C1orf87: variants seen among roughly 807,000 people sequenced by gnomAD.
C1orf87 encodes uncharacterized protein C1orf87.
In C1orf87, 58 loss-of-function variants were observed where a neutral mutation model predicts 60.5. That is an observed-to-expected ratio of 0.96 (90% CI 0.78 to 1.19). The LOEUF (loss-of-function observed/expected upper bound fraction) is 1.19, where lower values mean the gene tolerates loss of function less well. Ranked by LOEUF, C1orf87 falls within the 50% of genes most tolerant of loss-of-function variation. The probability of loss-of-function intolerance (pLI) is 0.00; values close to 1 mark genes in which losing one functional copy is unlikely to be tolerated. For synonymous variants in C1orf87, 236 were observed against 227.4 expected, an observed-to-expected ratio of 1.04 and a Z score of -0.34; for missense variants, 673 against 638.6, an observed-to-expected ratio of 1.05 and a Z score of -0.58.
intron 8 of C1orf87, among the ~76,000 whole-genome samples, chr1:60,023,700 C>T (rs111747204): frequency 9.9e-5 from 15 of 152,152 alleles, no homozygotes; most frequent in Middle Eastern, 6.8e-3. Context: ...TTCCAATATC[C>T]TTAATTTTTA....
chr1:60,038,288 C>T (rs969461684), intron 5 of C1orf87, among the ~76,000 whole-genome samples, 181 bp from the exon 6 acceptor site: 1 of 152,026 alleles, frequency 6.6e-6, no homozygotes, highest in African/African-American at 2.4e-5. Context: ...CCCTTCTGGA[C>T]AAATGGTAAA....
At chr1:60,049,743 T>A (rs1012866271) in intron 3 of C1orf87, among the ~76,000 whole-genome samples, 3 of 152,150 alleles carry the variant, frequency 2.0e-5, no homozygotes, top group African/African-American at 7.2e-5. Context: ...CACTTAAACC[T>A]TTGATGTATT....
At position 60,025,426 on chromosome 1, in the gene C1orf87, C is replaced by T; in HGVS notation, c.1102G>A (p.Asp368Asn). 6.2e-7 allele frequency: 1 copy of T among 1,613,312 alleles called. No individual in the cohort carries two copies. Residue 368 changes from aspartate (D) to asparagine (N), a missense_variant, in exon 8 of 12, where the codon GAT (aspartate) becomes AAT (asparagine). Asp to Asn is a conservative substitution (Grantham distance 23). Coordinates refer to ENST00000371201, the MANE Select transcript of C1orf87 (RefSeq NM_152377.3). Reference sequence around the variant, plus strand: ...TTTATTTCATTTTGGTAACCCAAATCTTGATGGTTAAGCAATGTTTCCAGC... The same window carrying T: ...TTTATTTCATTTTGGTAACCCAAATTTTGATGGTTAAGCAATGTTTCCAGC... Reference protein sequence around the residue: ...SLLETLLNHQDLGYQNEIKWQ... With the variant: ...SLLETLLNHQNLGYQNEIKWQ...
At chr1:60,008,045 A>C (rs1645058355) in intron 9 of C1orf87, among the ~76,000 whole-genome samples, 1 of 152,052 alleles carries the variant, frequency 6.6e-6, no homozygotes, top group African/African-American at 2.4e-5. Flanking sequence ...GCTTAAGAGC[A>C]TTTAGTCATC....
chr1:60,055,683 T>A (rs1645449736), intron 2 of C1orf87, among the ~76,000 whole-genome samples: 1 of 152,188 alleles, frequency 6.6e-6, no homozygotes, highest in African/African-American at 2.4e-5. Flanking sequence ...AATCTATCCA[T>A]CTGCTCCCAA....
At chr1:60,066,580 A>C (rs977159287) in intron 2 of C1orf87, among the ~76,000 whole-genome samples, 2 of 152,142 alleles carry the variant, frequency 1.3e-5, no homozygotes, top group Non-Finnish European at 2.9e-5. Context: ...CCTCCACTGA[A>C]GTCTTGGAAC....
At chr1:59,999,988 C>G (rs1470711673) in intron 10 of C1orf87, among the ~76,000 whole-genome samples, 1 of 152,152 alleles carries the variant, frequency 6.6e-6, no homozygotes, top group African/African-American at 2.4e-5. Flanking sequence ...AGCTCCCCAT[C>G]ACAGCACTCC....
At chr1:59,992,952 A>G (rs1304405742) in intron 11 of C1orf87, among the ~76,000 whole-genome samples, 1 of 152,136 alleles carries the variant, frequency 6.6e-6, no homozygotes, top group Non-Finnish European at 1.5e-5. Flanking sequence ...GAGTTGGCCA[A>G]TTGCATCTTC....
rs977470800 is a variant in C1orf87, at chr1:60,059,708, CA to C, written c.108-4271del. Among the ~76,000 whole-genome samples the C allele has an allele frequency of 1.2e-4, 19 of 152,244 alleles. No homozygotes were observed. The South Asian group carries it at 2.1e-3, about 17-fold the overall frequency. ...AACATAAAATCTCAAATGAAGGACC[CA>C]GGGGGCTCAGCAAAAGGTCACCAGA... On this transcript the variant is annotated intron_variant, in intron 2 of 11. Coordinates refer to ENST00000371201, the MANE Select transcript of C1orf87 (RefSeq NM_152377.3).
intron 9 of C1orf87, among the ~76,000 whole-genome samples, chr1:60,002,576 G>T (rs1645013476): frequency 6.6e-6 from 1 of 151,892 alleles, no homozygotes; most frequent in Non-Finnish European, 1.5e-5. Flanking sequence ...CTCCCATTTT[G>T]TAGGTTGCCT....
Position 60,025,493 on chromosome 1 carries a change from C to T in C1orf87, c.1035G>A (p.Arg345=), listed in dbSNP as rs1312918567. The T allele has an allele frequency of 4.4e-6, 7 of 1,597,582 alleles. No homozygotes were observed. In the Admixed American group the frequency reaches 7.1e-5, roughly 16 times the overall value. Residue 345 remains arginine (R), a synonymous_variant, in exon 8 of 12, where the codon AGG becomes AGA. Coordinates refer to ENST00000371201, the MANE Select transcript of C1orf87 (RefSeq NM_152377.3). ...ATAATCCATGCTTCCCACATATAGC[C>T]CTGACCTACAAGTTAAAAAAAAATA... is the stretch of plus-strand genomic sequence containing the variant. The part of the protein sequence containing the change: ...FSGCLPLPKV[R]AICGKHGLYL...
intron 8 of C1orf87, among the ~76,000 whole-genome samples, chr1:60,016,316 T>C (rs1385022838): frequency 6.6e-6 from 1 of 152,202 alleles, no homozygotes; most frequent in Non-Finnish European, 1.5e-5. Context: ...TCTAGCCCCA[T>C]ACCTGGATGT....
intron 8 of C1orf87, among the ~76,000 whole-genome samples, chr1:60,013,793 G>GACCTGAAGTCA (rs1645106003): frequency 6.6e-6 from 1 of 151,670 alleles, no homozygotes; most frequent in South Asian, 2.1e-4. Context: ...CTGCTCACTA[G>GACCTGAAGTCA]ACCTGAAGTC....
chr1:60,063,871 A>AGT (rs950659913), intron 2 of C1orf87, among the ~76,000 whole-genome samples: 14 of 151,990 alleles, frequency 9.2e-5, no homozygotes, highest in Non-Finnish European at 2.9e-5. Context: ...GCCAGTACTG[A>AGT]GTGTCAACTC....
chr1:60,003,925 G>C (rs1436932567), intron 9 of C1orf87, among the ~76,000 whole-genome samples: 1 of 151,924 alleles, frequency 6.6e-6, no homozygotes, highest in Admixed American at 6.6e-5. Context: ...CCTTAATAGT[G>C]GCTAAATGAA....
At chr1:60,002,762 C>T (rs964876678) in intron 9 of C1orf87, among the ~76,000 whole-genome samples, 1 of 152,010 alleles carries the variant, frequency 6.6e-6, no homozygotes, top group African/African-American at 2.4e-5. Context: ...AAATCAAAAC[C>T]ACAATGAGAT....
At chr1:60,011,395 C>A (rs1574299657) in intron 8 of C1orf87, among the ~76,000 whole-genome samples, 1 of 151,756 alleles carries the variant, frequency 6.6e-6, no homozygotes, top group South Asian at 2.1e-4. Context: ...TGTGACCCAC[C>A]CCCTCTAGTT....
At chr1:60,010,649 G>T (rs17119983) in intron 8 of C1orf87, among the ~76,000 whole-genome samples, 193 bp from the exon 9 acceptor site, 20,538 of 151,800 alleles carry the variant, frequency 0.14, 1,553 homozygotes, top group Admixed American at 0.19. Flanking sequence ...GGGAATTATT[G>T]CAAAGCCATT....
intron 7 of C1orf87, among the ~76,000 whole-genome samples, chr1:60,030,472 G>T (rs972634208): frequency 3.3e-5 from 5 of 152,160 alleles, no homozygotes; most frequent in African/African-American, 1.2e-4. Flanking sequence ...CAGGCTATCA[G>T]TAAGGGGACT....
Sources: gnomAD v4.1 joint callset for allele counts (sites outside exome capture counted in the v4.1 genomes callset) on GRCh38, gnomAD v4.1.1 for gene constraint, MANE v1.5 for transcripts, NCBI Gene and HGNC (gene_info 2026-07-23, HGNC 2026-07-21) for gene names.